The following CCDC148 variants were observed in gnomAD, a reference collection of about 807,000 sequenced individuals.
CCDC148 encodes coiled-coil domain-containing protein 148.
In CCDC148, 89 loss-of-function variants were observed where a neutral mutation model predicts 85.7. The ratio of observed to expected loss-of-function variants is 1.04; its 90% CI spans 0.87 to 1.24. CCDC148 has a LOEUF of 1.24. Ranked by LOEUF, CCDC148 falls within the 50% of genes most tolerant of loss-of-function variation. CCDC148 has a pLI of 0.00. For synonymous variants in CCDC148, 230 were observed against 213.9 expected, an observed-to-expected ratio of 1.08 and a Z score of -0.66; for missense variants, 692 against 671.7, an observed-to-expected ratio of 1.03 and a Z score of -0.33.
Position 158,453,911 on chromosome 2 carries a change from C to A in CCDC148, c.25+2504G>T, listed in dbSNP as rs1463086322. On this transcript the variant is annotated intron_variant, in intron 1 of 13. Coordinates refer to ENST00000283233, the MANE Select transcript of CCDC148 (RefSeq NM_138803.4). ...AGCCTGAGCACAGGCCCTCTCCCCA[C>A]CCCTACTTTCCAGCACTTTTCCCAA... Among the ~76,000 whole-genome samples, 4 of 152,146 alleles carry A rather than the reference C, an allele frequency of 2.6e-5. No individual in the cohort carries two copies. The East Asian group carries it at 5.8e-4, about 22-fold the overall frequency.
chr2:158,438,937 T>C (rs1269495239), intron 1 of CCDC148, among the ~76,000 whole-genome samples: 7 of 152,170 alleles, frequency 4.6e-5, no homozygotes, highest in Non-Finnish European at 7.3e-5. Flanking sequence ...TACCATCTCA[T>C]ACTAGTTAGA....
chr2:158,241,299 C>T (rs1688342020), intron 10 of CCDC148, among the ~76,000 whole-genome samples: 1 of 152,182 alleles, frequency 6.6e-6, no homozygotes, highest in African/African-American at 2.4e-5. Flanking sequence ...GTAACAAACT[C>T]TATATAGTTC....
At chr2:158,230,007 TGAG>T in intron 10 of CCDC148, among the ~76,000 whole-genome samples, 1 of 152,322 alleles carries the variant, frequency 6.6e-6, no homozygotes, top group East Asian at 1.9e-4. Flanking sequence ...CTCTCACTAG[TGAG>T]TTCCACAGGA....
intron 1 of CCDC148, among the ~76,000 whole-genome samples, chr2:158,360,463 T>C (rs1398394575): frequency 6.6e-6 from 1 of 152,066 alleles, no homozygotes; most frequent in Non-Finnish European, 1.5e-5. Flanking sequence ...GGGACAAAGC[T>C]TCCAGAGGAA....
intron 11 of CCDC148, among the ~76,000 whole-genome samples, chr2:158,183,572 G>GAAAC (rs147199846): frequency 2.1e-3 from 319 of 152,074 alleles, no homozygotes; most frequent in Non-Finnish European, 2.6e-3. Context: ...AACAAACAAA[G>GAAAC]AAACAAACAA....
Position 158,340,380 on chromosome 2 carries a change from T to C in CCDC148, c.348A>G (p.Ser116=). The change falls in exon 5 of 14, where the codon TCA becomes TCG. Residue 116 remains serine (S), a synonymous_variant. Transcript: ENST00000283233. ...TTTTAAGATATGTGCACTGTTGTTC[T>C]GATAGCTCTTGCTCTATGGTGAAAC... The part of the protein sequence containing the change: ...CDLTNFEQEL[S]EQQCTYLKNV... The C allele has an allele frequency of 5.0e-6, 8 of 1,613,404 alleles. No individual in the cohort carries two copies. Among genetic ancestry groups the C allele is most frequent in the Non-Finnish European group, 5.9e-6 (7 of 1,179,564 alleles).
At chr2:158,304,572 T>A (rs879879629) in intron 9 of CCDC148, among the ~76,000 whole-genome samples, 2 of 152,178 alleles carry the variant, frequency 1.3e-5, no homozygotes, top group African/African-American at 2.4e-5. Flanking sequence ...CCCTTTACCA[T>A]TAGCCAGTGG....
intron 7 of CCDC148, among the ~76,000 whole-genome samples, chr2:158,333,026 A>G (rs1329376293): frequency 2.0e-5 from 3 of 151,758 alleles, no homozygotes; most frequent in Non-Finnish European, 2.9e-5. Flanking sequence ...TCTTGTCTCT[A>G]TCTCTTTCAG....
chr2:158,391,050 T>G (rs1685283240), intron 1 of CCDC148, among the ~76,000 whole-genome samples: 1 of 152,180 alleles, frequency 6.6e-6, no homozygotes, highest in African/African-American at 2.4e-5. Context: ...CTTCATTCAT[T>G]CATTTGACAA....
At chr2:158,407,622 C>T (rs1483615737) in intron 1 of CCDC148, among the ~76,000 whole-genome samples, 8 of 151,880 alleles carry the variant, frequency 5.3e-5, no homozygotes, top group Middle Eastern at 3.2e-3. Context: ...GTACAGCATC[C>T]GGCAAGAAAA....
chr2:158,212,097 C>T (rs1424835511), intron 11 of CCDC148, among the ~76,000 whole-genome samples: 1 of 152,146 alleles, frequency 6.6e-6, no homozygotes, highest in Non-Finnish European at 1.5e-5. Flanking sequence ...ATTTGCAAAA[C>T]ATTTCTAATA....
chr2:158,375,706 T>G (rs941871953), intron 1 of CCDC148, among the ~76,000 whole-genome samples: 2 of 152,140 alleles, frequency 1.3e-5, no homozygotes, highest in African/African-American at 2.4e-5. Context: ...CAATGAGACA[T>G]GACTAGAGAG....
intron 9 of CCDC148, among the ~76,000 whole-genome samples, chr2:158,303,506 C>T (rs906518020): frequency 1.2e-4 from 18 of 152,212 alleles, no homozygotes; most frequent in African/African-American, 3.9e-4. Context: ...AAATTATAAG[C>T]ATATTTTAAC....
In CCDC148 at chr2:158,265,066, A is replaced by G. The variant is rs1050257820; in HGVS notation, c.1111-14154T>C. 5.9e-5 allele frequency among the ~76,000 whole-genome samples: 9 copies of G among 152,234 alleles called. No homozygotes were observed. The South Asian group carries it at 1.0e-3, about 18-fold the overall frequency. ...GCTATGACCCCTCATATAAAATTCT[A>G]TACTATTCCTCATATAAAATTCTAT... is the stretch of plus-strand genomic sequence containing the variant. On this transcript the variant is annotated intron_variant, in intron 9 of 13. Coordinates refer to ENST00000283233, the MANE Select transcript of CCDC148 (RefSeq NM_138803.4).
At chr2:158,265,117 G>T (rs1689398909) in intron 9 of CCDC148, among the ~76,000 whole-genome samples, 1 of 152,030 alleles carries the variant, frequency 6.6e-6, no homozygotes, top group Non-Finnish European at 1.5e-5. Context: ...AGACAGCTCT[G>T]TCCTAATCCA....
Position 158,416,778 on chromosome 2 carries a change from T to C in CCDC148, c.25+39637A>G, listed in dbSNP as rs866428530. On this transcript the variant is annotated intron_variant, in intron 1 of 13. Transcript: ENST00000283233. ...CCCAGTTTCAAAGTCACTTCCACAT[T>C]TTCAGGTATCTTTATAGCAATGCCC... Among the ~76,000 whole-genome samples the C allele has an allele frequency of 3.9e-5, 6 of 152,332 alleles. No homozygotes were observed. The Middle Eastern group carries it at 0.014, about 345-fold the overall frequency.
intron 11 of CCDC148, among the ~76,000 whole-genome samples, chr2:158,188,983 C>A (rs1375742075): frequency 6.6e-6 from 1 of 151,768 alleles, no homozygotes; most frequent in Non-Finnish European, 1.5e-5. Flanking sequence ...CAATTAATCA[C>A]CAGAGAGATG....
intron 2 of CCDC148, among the ~76,000 whole-genome samples, chr2:158,353,595 C>A (rs1459567170): frequency 1.3e-5 from 2 of 152,056 alleles, no homozygotes; most frequent in African/African-American, 2.4e-5. Flanking sequence ...GAGTGACCTA[C>A]AAAGAGACTT....
At chr2:158,407,200 C>T (rs1227727695) in intron 1 of CCDC148, among the ~76,000 whole-genome samples, 15 of 152,178 alleles carry the variant, frequency 9.9e-5, no homozygotes, top group Non-Finnish European at 4.4e-5. Context: ...AAGCTGTTTT[C>T]ATTCCTCCCT....
Sources: gnomAD v4.1 joint callset for allele counts (sites outside exome capture counted in the v4.1 genomes callset) on GRCh38, gnomAD v4.1.1 for gene constraint, MANE v1.5 for transcripts, NCBI Gene and HGNC (gene_info 2026-07-23, HGNC 2026-07-21) for gene names.